The following KCNH5 variants were observed in gnomAD, a reference collection of about 807,000 sequenced individuals.
KCNH5 encodes the protein voltage-gated delayed rectifier potassium channel KCNH5.
Under a neutral mutation model 96.1 loss-of-function variants are expected in KCNH5, and 46 were observed. That is an observed-to-expected ratio of 0.48 (90% CI 0.38 to 0.61). The LOEUF (loss-of-function observed/expected upper bound fraction) is 0.61. KCNH5 is among the 20% of genes least tolerant of loss of function. KCNH5 has a pLI of 0.00. For missense variants in KCNH5, 907 were observed against 1,225.8 expected, an observed-to-expected ratio of 0.74 and a Z score of 3.88; for synonymous variants, 439 against 449.8, an observed-to-expected ratio of 0.98 and a Z score of 0.30.
intron 1 of KCNH5, among the ~76,000 whole-genome samples, chr14:63,029,924 C>A (rs1460731682): frequency 2.0e-5 from 3 of 152,008 alleles, no homozygotes; most frequent in East Asian, 3.8e-4. Context: ...ATTTTAATTT[C>A]TTTTAGCTTT....
At position 62,864,492 on chromosome 14, in the gene KCNH5, C is replaced by G. The variant is rs77223602; in HGVS notation, c.1370-14640G>C. Among the ~76,000 whole-genome samples the G allele has an allele frequency of 3.4e-3, 515 of 152,140 alleles. 3 individuals carry two copies. The highest frequency in any genetic ancestry group is 0.012 in the African/African-American group (503 of 41,510). ...GCTTTAAAATGGATAGTGAATTTTG[C>G]AAATTATATGACTGAGCTGAACCAA... is the stretch of plus-strand genomic sequence containing the variant. On this transcript the variant is annotated intron_variant, in intron 7 of 10. Coordinates refer to ENST00000322893, the MANE Select transcript of KCNH5 (RefSeq NM_139318.5).
intron 6 of KCNH5, among the ~76,000 whole-genome samples, chr14:62,964,736 C>T (rs1890273675): frequency 1.3e-5 from 2 of 152,086 alleles, no homozygotes; most frequent in South Asian, 4.2e-4. Context: ...GTGGGCTATT[C>T]CTTTGGAATA....
chr14:62,966,821 G>A (rs1180093141), intron 6 of KCNH5, among the ~76,000 whole-genome samples: 1 of 151,964 alleles, frequency 6.6e-6, no homozygotes, highest in Non-Finnish European at 1.5e-5. Flanking sequence ...ACTTTACCCA[G>A]TTCTAATAAA....
intron 8 of KCNH5, among the ~76,000 whole-genome samples, chr14:62,803,909 T>C (rs1050754395): frequency 3.9e-5 from 6 of 152,294 alleles, no homozygotes; most frequent in African/African-American, 9.6e-5. Context: ...CTAAATTGAT[T>C]TACCCCATTA....
chr14:63,043,199 T>C (rs1269576358), intron 1 of KCNH5, among the ~76,000 whole-genome samples: 1 of 152,182 alleles, frequency 6.6e-6, no homozygotes, highest in Non-Finnish European at 1.5e-5. Context: ...CATAGTTTCA[T>C]AGTCTGCATA....
At chr14:62,842,076 T>C (rs1887596812) in intron 8 of KCNH5, among the ~76,000 whole-genome samples, 1 of 152,194 alleles carries the variant, frequency 6.6e-6, no homozygotes, top group Non-Finnish European at 1.5e-5. Flanking sequence ...TCCCCAAAGA[T>C]AGGTTTGAAT....
chr14:62,824,950 T>C (rs1437228366), intron 8 of KCNH5, among the ~76,000 whole-genome samples: 1 of 152,120 alleles, frequency 6.6e-6, no homozygotes, highest in African/African-American at 2.4e-5. Flanking sequence ...CATTGTTTTT[T>C]TTATGGCTGT....
chr14:62,953,879 G>C (rs887749015), intron 6 of KCNH5, among the ~76,000 whole-genome samples: 1 of 152,096 alleles, frequency 6.6e-6, no homozygotes, highest in Non-Finnish European at 1.5e-5. Context: ...AGGGCTATCA[G>C]TCTCGTATTT....
At chr14:62,799,569 G>A (rs367611263) in intron 9 of KCNH5, among the ~76,000 whole-genome samples, 36 of 60,808 alleles carry the variant, frequency 5.9e-4, no homozygotes, top group South Asian at 3.6e-3. Context: ...GTGAAACTCC[G>A]TCTCAAAAAA....
chr14:62,746,267 C>G (rs1430226742), intron 10 of KCNH5, among the ~76,000 whole-genome samples: 1 of 152,134 alleles, frequency 6.6e-6, no homozygotes, highest in Non-Finnish European at 1.5e-5. Context: ...CTTGCAAATA[C>G]AAGGCATGCA....
intron 8 of KCNH5, among the ~76,000 whole-genome samples, chr14:62,807,200 T>G (rs1886784523): frequency 6.6e-6 from 1 of 152,136 alleles, no homozygotes; most frequent in Non-Finnish European, 1.5e-5. Flanking sequence ...GAGGTTGGAT[T>G]AGACTCTGTC....
chr14:62,883,124 A>G (rs1158888994), intron 7 of KCNH5, among the ~76,000 whole-genome samples: 1 of 152,238 alleles, frequency 6.6e-6, no homozygotes, highest in African/African-American at 2.4e-5. Flanking sequence ...TGCACTCATC[A>G]ATCTGGGAGA....
intron 10 of KCNH5, chr14:62,712,637 T>A (rs1884595875): frequency 1.3e-6 from 1 of 770,674 alleles, no homozygotes; most frequent in Non-Finnish European, 2.4e-6. Flanking sequence ...GATAGATGAA[T>A]GGGTGAAGTA....
At chr14:62,877,531 G>A (rs1002759206) in intron 7 of KCNH5, among the ~76,000 whole-genome samples, 12 of 152,224 alleles carry the variant, frequency 7.9e-5, no homozygotes, top group African/African-American at 2.6e-4. Context: ...ACAAGTGGGC[G>A]AAGGACATGA....
At chr14:62,882,842 G>A (rs753345827) in intron 7 of KCNH5, among the ~76,000 whole-genome samples, 1 of 152,100 alleles carries the variant, frequency 6.6e-6, no homozygotes, top group Non-Finnish European at 1.5e-5. Flanking sequence ...GCTCATATTG[G>A]TCATCTGACT....
intron 9 of KCNH5, among the ~76,000 whole-genome samples, chr14:62,782,484 A>G (rs1173538886): frequency 6.6e-6 from 1 of 152,184 alleles, no homozygotes; most frequent in African/African-American, 2.4e-5. Context: ...CAACCTAATA[A>G]CCATTTATTT....
At chr14:62,832,030 T>C (rs1566675353) in intron 8 of KCNH5, among the ~76,000 whole-genome samples, 1 of 152,170 alleles carries the variant, frequency 6.6e-6, no homozygotes, top group Non-Finnish European at 1.5e-5. Flanking sequence ...CTAACTTCAA[T>C]AGTTACATTT....
intron 10 of KCNH5, among the ~76,000 whole-genome samples, chr14:62,739,427 C>A (rs768034538): frequency 6.6e-6 from 1 of 151,670 alleles, no homozygotes; most frequent in Non-Finnish European, 1.5e-5. Context: ...AAAATGACTA[C>A]GCTATTTATG....
chr14:62,823,595 C>T (rs1323698018), intron 8 of KCNH5, among the ~76,000 whole-genome samples: 1 of 152,112 alleles, frequency 6.6e-6, no homozygotes, highest in Non-Finnish European at 1.5e-5. Context: ...CTCCTGTCTT[C>T]ACTTTTTGAA....
Sources: gnomAD v4.1 joint callset for allele counts (sites outside exome capture counted in the v4.1 genomes callset) on GRCh38, gnomAD v4.1.1 for gene constraint, MANE v1.5 for transcripts, NCBI Gene and HGNC (gene_info 2026-07-23, HGNC 2026-07-21) for gene names.